The following SMOX variants were observed in gnomAD, a reference collection of about 807,000 sequenced individuals.
SMOX encodes the protein flavin containing amine oxidase.
In SMOX, 22 loss-of-function variants were observed where a neutral mutation model predicts 51.0. That is an observed-to-expected ratio of 0.43 (90% confidence interval 0.31 to 0.62). SMOX has a LOEUF of 0.62. Ranked by LOEUF, SMOX falls within the 20% of genes least tolerant of loss-of-function variation. SMOX has a pLI of 0.10. For missense variants in SMOX, 566 were observed against 777.7 expected (o/e 0.73, Z 3.24); for synonymous variants, 282 against 307.8 (o/e 0.92, Z 0.88).
chr20:4,169,748 C>T (rs1043914646), intron 1 of SMOX, among the ~76,000 whole-genome samples: 9 of 152,256 alleles, frequency 5.9e-5, no homozygotes, highest in African/African-American at 1.4e-4. Flanking sequence ...GAAACAGTAA[C>T]GGAGCAGGCC....
chr20:4,155,420 G>C (rs946110284), intron 1 of SMOX, among the ~76,000 whole-genome samples: 62 of 151,888 alleles, frequency 4.1e-4, no homozygotes, highest in Non-Finnish European at 7.4e-4. Context: ...GGGAGTGGGG[G>C]GGGCCTGGAT....
chr20:4,159,207 G>A (rs141505254), intron 1 of SMOX, among the ~76,000 whole-genome samples: 7 of 152,196 alleles, frequency 4.6e-5, no homozygotes, highest in Admixed American at 3.3e-4. Flanking sequence ...TGCCCCCTGG[G>A]TTCAAGCGAT....
At chr20:4,164,800 C>T (rs1355975221) in intron 1 of SMOX, among the ~76,000 whole-genome samples, 1 of 152,146 alleles carries the variant, frequency 6.6e-6, no homozygotes, top group Non-Finnish European at 1.5e-5. Context: ...GCACCATCGC[C>T]TGTTGGCCCT....
At position 4,170,142 on chromosome 20, in the gene SMOX, C is replaced by A. The variant is rs1986760340; in HGVS notation, c.-26-4888C>A. Among the ~76,000 whole-genome samples, 3 of 138,040 alleles carry A rather than the reference C, an allele frequency of 2.2e-5. No individual in the cohort carries two copies. The Admixed American group carries it at 2.4e-4, about 11-fold the overall frequency. The allele number at this position is 138,040 out of a possible 152,430, so 90.6% of individuals were successfully genotyped here. ...GATTGAGACCCGCATGGGTGAGGCTCACATAGAGGAGGCGGGGTGGGGGGG... is the reference window on the plus strand; with the variant it reads ...GATTGAGACCCGCATGGGTGAGGCTAACATAGAGGAGGCGGGGTGGGGGGG... On this transcript the variant is annotated intron_variant, in intron 1 of 6. Coordinates refer to ENST00000305958, the MANE Select transcript of SMOX (RefSeq NM_175839.3). The surrounding 1 kb of genome is among the most constrained non-coding windows in gnomAD (Gnocchi z 4.6).
intron 1 of SMOX, among the ~76,000 whole-genome samples, chr20:4,160,836 G>A (rs1986275769): frequency 1.3e-5 from 2 of 152,192 alleles, no homozygotes; most frequent in Non-Finnish European, 2.9e-5. Context: ...CTGACACTGG[G>A]GCTGTCGTGT....
rs1568738605 is a variant in SMOX, at chr20:4,170,472, C to T, written c.-26-4558C>T. Among the ~76,000 whole-genome samples the T allele has an allele frequency of 6.7e-6, 1 of 149,914 alleles. No individual in the cohort carries two copies. The highest frequency in any genetic ancestry group is 2.4e-5 in the African/African-American group (1 of 40,904). On this transcript the variant is annotated intron_variant, in intron 1 of 6. Coordinates refer to ENST00000305958, the MANE Select transcript of SMOX (RefSeq NM_175839.3). The surrounding 1 kb of genome is among the most constrained non-coding windows in gnomAD (Gnocchi z 4.6). ...ACTTGCTGGAGTGTAAATTTCTTCA[C>T]TTTTTTTTTTCTGAGACAGGGTCTC...
chr20:4,178,460 C>T (rs1741323), intron 3 of SMOX, among the ~76,000 whole-genome samples: 79,125 of 152,006 alleles, frequency 0.52, 20,977 homozygotes, highest in African/African-American at 0.59. Flanking sequence ...CAGTGTTGGA[C>T]AGAAGTGGCA....
intron 1 of SMOX, among the ~76,000 whole-genome samples, chr20:4,168,590 T>C (rs1986676847): frequency 6.6e-6 from 1 of 151,066 alleles, no homozygotes; most frequent in South Asian, 2.1e-4. Context: ...GGAGTCTCGC[T>C]CTGTCACCCA....
intron 1 of SMOX, among the ~76,000 whole-genome samples, chr20:4,173,831 G>C (rs1418225854): frequency 6.6e-6 from 1 of 152,232 alleles, no homozygotes; most frequent in Non-Finnish European, 1.5e-5. Context: ...GGTTCCTCAG[G>C]GTGGCCCCCA....
In SMOX at chr20:4,177,689, T is replaced by C. The variant is rs1978983581; in HGVS notation, c.435+112T>C. ...GGGCCTTGCATTTGGAAAACCAGGA[T>C]AATGTGAGGGTAAAATGAAAATATT... is the stretch of plus-strand genomic sequence containing the variant. On this transcript the variant is annotated intron_variant, in intron 3 of 6. Transcript: ENST00000305958. This position sits in a 1 kb window ranked among gnomAD's most constrained non-coding sequence, Gnocchi z 4.3. 1.1e-6 allele frequency: 1 copy of C among 937,828 alleles called. No individual in the cohort carries two copies. The highest frequency in any genetic ancestry group is 1.6e-6 in the Non-Finnish European group (1 of 627,182). The allele number at this position is 937,828 out of a possible 1,614,324, so 58.1% of individuals were successfully genotyped here. A position where few individuals can be genotyped will look rare whatever the true frequency, so the allele number is the denominator to read the frequency against.
At chr20:4,180,170 C>G (rs1254711228) in intron 3 of SMOX, among the ~76,000 whole-genome samples, 2 of 152,230 alleles carry the variant, frequency 1.3e-5, no homozygotes, top group Non-Finnish European at 2.9e-5. Context: ...CTAAGGCTCA[C>G]CACTCAGCAT....
At position 4,177,199 on chromosome 20, in the gene SMOX, G is replaced by A. The variant is rs1218871390; in HGVS notation, c.209-152G>A. On this transcript the variant is annotated intron_variant, in intron 2 of 6. Coordinates refer to ENST00000305958, the MANE Select transcript of SMOX (RefSeq NM_175839.3). The surrounding 1 kb of genome is among the most constrained non-coding windows in gnomAD (Gnocchi z 4.3). ...TTTTCAGTGGGAACTTTTCACTGAG[G>A]ACCTTCGTTGGTTGCCAGCAGTGGA... The A allele has an allele frequency of 7.5e-6, 5 of 669,898 alleles. No individual in the cohort carries two copies. The highest frequency in any genetic ancestry group is 7.6e-6 in the Non-Finnish European group (3 of 394,794). The allele number at this position is 669,898 out of a possible 1,614,324, so 41.5% of individuals were successfully genotyped here. A position where few individuals can be genotyped will look rare whatever the true frequency, so the allele number is the denominator to read the frequency against.
intron 3 of SMOX, among the ~76,000 whole-genome samples, chr20:4,179,268 A>C (rs1292312168): frequency 1.3e-5 from 2 of 152,288 alleles, no homozygotes; most frequent in Admixed American, 1.3e-4. Context: ...CTTGAAAATG[A>C]CTTTCGGGGC....
chr20:4,183,380 T>C lies in SMOX; in HGVS notation c.1370-114T>C. On this transcript the variant is annotated intron_variant, in intron 5 of 6. Coordinates refer to ENST00000305958, the MANE Select transcript of SMOX (RefSeq NM_175839.3). The surrounding 1 kb of genome is among the most constrained non-coding windows in gnomAD (Gnocchi z 4.3). ...TATCCTCCGTGCCTACCCCTGGCAG[T>C]CTGGTCCTCCCGGAGCCCTGGAGGT... The C allele has an allele frequency of 6.7e-7, 1 of 1,499,586 alleles. No individual in the cohort carries two copies. Among genetic ancestry groups the C allele is most frequent in the Non-Finnish European group, 9.2e-7 (1 of 1,082,526 alleles). The allele number at this position is 1,499,586 out of a possible 1,614,324, so 92.9% of individuals were successfully genotyped here.
intron 1 of SMOX, among the ~76,000 whole-genome samples, chr20:4,158,050 G>A (rs531467289): frequency 1.7e-4 from 25 of 150,340 alleles, no homozygotes; most frequent in East Asian, 1.0e-3. Context: ...ACAGGCGCCC[G>A]CCACCACGCC....
At position 4,172,160 on chromosome 20, in the gene SMOX, T is replaced by C. The variant is rs1375684911; in HGVS notation, c.-26-2870T>C. On this transcript the variant is annotated intron_variant, in intron 1 of 6. Coordinates refer to ENST00000305958, the MANE Select transcript of SMOX (RefSeq NM_175839.3). This position sits in a 1 kb window ranked among gnomAD's most constrained non-coding sequence, Gnocchi z 7.7. The stretch of plus-strand genomic sequence containing the variant: ...TCCACCAGTAAGGCGTGAGAGCCAC[T>C]GCAGCCATCCCTTTCCGTAGTGGAT... Among the ~76,000 whole-genome samples the C allele has an allele frequency of 6.6e-6, 1 of 152,252 alleles. No individual in the cohort carries two copies.
At position 4,167,425 on chromosome 20, in the gene SMOX, T is replaced by C. The variant is rs2122476793; in HGVS notation, c.-26-7605T>C. On this transcript the variant is annotated intron_variant, in intron 1 of 6. Transcript: ENST00000305958. The surrounding 1 kb of genome is among the most constrained non-coding windows in gnomAD (Gnocchi z 4.8). ...CTTTGCAGTGGCCACACCTTTTACC[T>C]GTGCTAATTTAATATTCCTACAAGT... Among the ~76,000 whole-genome samples, 1 of 152,272 alleles carries C rather than the reference T, an allele frequency of 6.6e-6. No homozygotes were observed.
rs567668022 is a variant in SMOX, at chr20:4,166,995, G to C, written c.-26-8035G>C. On this transcript the variant is annotated intron_variant, in intron 1 of 6. Coordinates refer to ENST00000305958, the MANE Select transcript of SMOX (RefSeq NM_175839.3). This position sits in a 1 kb window ranked among gnomAD's most constrained non-coding sequence, Gnocchi z 4.2. ...ATGATGGAGGCCTTCCCTGTTTTTG[G>C]CCTGTGAGGGCCAGGGGACATTGCT... is the stretch of plus-strand genomic sequence containing the variant. Among the ~76,000 whole-genome samples, 4 of 152,226 alleles carry C rather than the reference G, an allele frequency of 2.6e-5. No homozygotes were observed. The highest frequency in any genetic ancestry group is 2.6e-4 in the Admixed American group (4 of 15,288).
At chr20:4,180,162 A>G (rs1979215584) in intron 3 of SMOX, among the ~76,000 whole-genome samples, 1 of 152,232 alleles carries the variant, frequency 6.6e-6, no homozygotes, top group Non-Finnish European at 1.5e-5. Flanking sequence ...GACTCCAGCT[A>G]AGGCTCACCA....
Sources: gnomAD v4.1 joint callset for allele counts (sites outside exome capture counted in the v4.1 genomes callset) on GRCh38, gnomAD v4.1.1 for gene constraint, Gnocchi (gnomAD v3.1) non-coding constraint, MANE v1.5 for transcripts, NCBI Gene and HGNC (gene_info 2026-07-23, HGNC 2026-07-21) for gene names.